RBM19: variants seen among roughly 807,000 people sequenced by gnomAD.
The protein encoded by RBM19 is RNA binding motif protein 19.
A neutral mutation model predicts 116.8 loss-of-function variants in RBM19; 94 were observed. That is an observed-to-expected ratio of 0.80 (90% CI 0.68 to 0.95). The LOEUF (loss-of-function observed/expected upper bound fraction) is 0.95. Ranked by LOEUF, RBM19 falls within the 40% of genes least tolerant of loss-of-function variation. RBM19 has a pLI of 0.00. For missense variants in RBM19, 1,161 were observed against 1,220.7 expected (o/e 0.95, Z 0.73); for synonymous variants, 475 against 494.1 (o/e 0.96, Z 0.51).
chr12:113,817,394 TGAGG>T (rs1431477741), downstream of RBM19: 1 of 152,122 alleles, frequency 6.6e-6, no homozygotes, highest in East Asian at 1.9e-4. Flanking sequence ...AATGAATGAA[TGAGG>T]GAGAGGACTC....
chr12:113,858,518 C>T (rs1275584685), intron 22 of RBM19, among the ~76,000 whole-genome samples: 1 of 152,266 alleles, frequency 6.6e-6, no homozygotes, highest in East Asian at 1.9e-4. Context: ...CCTGGGAAAC[C>T]CATTTGCTTC....
rs200041789 is a variant in RBM19 at position 113,927,242 on chromosome 12, C to CAAAACA, written c.2069-19_2069-14dup. ...TCGCCATCAGGCACTGAACCCCCAT[C>CAAAACA]AAAACAAAAACAAAAACAAAAACAT... On this transcript the variant is annotated splice_polypyrimidine_tract_variant and intron_variant, in intron 16 of 23. Transcript: ENST00000261741. The CAAAACA allele has an allele frequency of 1.2e-4, 191 of 1,542,472 alleles. 1 individual carries two copies. The highest frequency in any genetic ancestry group is 1.7e-4 in the Middle Eastern group (1 of 5,952).
chr12:113,947,365 G>A lies in RBM19; in HGVS notation c.1376C>T (p.Ala459Val), dbSNP rs754423285. The change falls in exon 11 of 24, where the codon GCC becomes GTC. Residue 459 changes from alanine to valine, a missense_variant. By Grantham distance (64) the Ala-to-Val change is moderately conservative. Coordinates refer to ENST00000261741, the MANE Select transcript of RBM19 (RefSeq NM_016196.4). ...TFMFPEHAVK[A>V]YSEVDGQVFQ... ...TACCTGCCCGTCCACCTCCGAGTAG[G>A]CCTTCACAGCGTGCTCAGGGAACAT... is the stretch of plus-strand genomic sequence containing the variant. 17 of 1,607,676 alleles carry A rather than the reference G, an allele frequency of 1.1e-5. No homozygotes were observed. The highest frequency in any genetic ancestry group is 5.0e-5 in the Admixed American group (3 of 59,892).
chr12:113,908,263 A>G lies in RBM19; in HGVS notation c.2558+6706T>C, dbSNP rs540440503. ...TCAAAGGGCTGGAAGCTTTTGGAAA[A>G]GTACTGCTGACAACCAGGAGTCAAT... On this transcript the variant is annotated intron_variant, in intron 21 of 23. Coordinates refer to ENST00000261741, the MANE Select transcript of RBM19 (RefSeq NM_016196.4). 2.8e-4 allele frequency among the ~76,000 whole-genome samples: 43 copies of G among 152,284 alleles called. 1 individual carries two copies. The highest frequency in any genetic ancestry group is 1.4e-3 in the Admixed American group (22 of 15,302).
chr12:113,861,035 T>C (rs1878321304), intron 21 of RBM19, among the ~76,000 whole-genome samples: 1 of 152,218 alleles, frequency 6.6e-6, no homozygotes, highest in Admixed American at 6.5e-5. Flanking sequence ...AGCCTTATCA[T>C]TCCCATGTTA....
intron 21 of RBM19, among the ~76,000 whole-genome samples, chr12:113,910,427 T>G (rs1882356771): frequency 6.6e-6 from 1 of 152,210 alleles, no homozygotes; most frequent in Non-Finnish European, 1.5e-5. Context: ...CCAGGACCCC[T>G]TGTTCACACA....
intron 20 of RBM19, among the ~76,000 whole-genome samples, chr12:113,917,587 G>A (rs1397015726): frequency 2.0e-5 from 3 of 152,112 alleles, no homozygotes; most frequent in African/African-American, 7.2e-5. Context: ...AAAGAAAGAA[G>A]GAAAAAGAAA....
At chr12:113,878,628 C>T (rs547194446) in intron 21 of RBM19, among the ~76,000 whole-genome samples, 2 of 127,748 alleles carry the variant, frequency 1.6e-5, no homozygotes, top group South Asian at 5.5e-4. Flanking sequence ...CATCCATTCT[C>T]CCTGACACAC....
intron 7 of RBM19, among the ~76,000 whole-genome samples, chr12:113,954,624 TG>T (rs767348274): frequency 5.3e-5 from 8 of 152,254 alleles, no homozygotes; most frequent in Non-Finnish European, 1.0e-4. Flanking sequence ...TTTTCTATAT[TG>T]AACTACTACT....
At chr12:113,830,589 G>GGGGGT (rs1565960614) in intron 23 of RBM19, among the ~76,000 whole-genome samples, 1 of 73,082 alleles carries the variant, frequency 1.4e-5, no homozygotes, top group Non-Finnish European at 2.6e-5. Flanking sequence ...GGGGGGGGGG[G>GGGGGT]TGGGCTATGC....
chr12:113,888,765 C>T (rs577867884), intron 21 of RBM19, among the ~76,000 whole-genome samples: 1 of 152,128 alleles, frequency 6.6e-6, no homozygotes, highest in Non-Finnish European at 1.5e-5. Flanking sequence ...CTGTAATTCC[C>T]GTCTTCATCT....
intron 21 of RBM19, among the ~76,000 whole-genome samples, chr12:113,883,082 G>C (rs1447173524): frequency 6.6e-6 from 1 of 152,208 alleles, no homozygotes; most frequent in Non-Finnish European, 1.5e-5. Flanking sequence ...GACAGACAGA[G>C]AGAGGTTGTA....
intron 17 of RBM19, among the ~76,000 whole-genome samples, chr12:113,925,469 A>G (rs1868983053): frequency 6.6e-6 from 1 of 152,226 alleles, no homozygotes; most frequent in Non-Finnish European, 1.5e-5. Context: ...CATGTTACAG[A>G]TGAAGAAACT....
At chr12:113,867,175 CAG>C (rs1593506031) in intron 21 of RBM19, among the ~76,000 whole-genome samples, 1 of 152,224 alleles carries the variant, frequency 6.6e-6, no homozygotes, top group Non-Finnish European at 1.5e-5. Context: ...TCCTTGGGGA[CAG>C]AGAGGGTCTT....
chr12:113,945,874 G>A lies in RBM19; in HGVS notation c.1580C>T (p.Ala527Val), dbSNP rs756975273. 67 of 1,594,170 alleles carry A rather than the reference G, an allele frequency of 4.2e-5. 1 individual carries two copies. Among genetic ancestry groups the A allele is most frequent in the Non-Finnish European group, 5.3e-5 (62 of 1,161,984 alleles). Residue 527 changes from alanine to valine, a missense_variant, in exon 13 of 24, where the codon GCC (alanine) becomes GTC (valine). Coordinates refer to ENST00000261741, the MANE Select transcript of RBM19 (RefSeq NM_016196.4). ...LFMGPNAVAD[A>V]IAQKYNATKS... ...GGTGGCGTTGTACTTCTGTGCGATGGCATCGGCCACGGCATTCGGCCCCAT... is the reference window on the plus strand; with the variant it reads ...GGTGGCGTTGTACTTCTGTGCGATGACATCGGCCACGGCATTCGGCCCCAT...
intron 22 of RBM19, among the ~76,000 whole-genome samples, chr12:113,856,138 T>C (rs1388255692): frequency 1.3e-5 from 2 of 152,146 alleles, no homozygotes; most frequent in Non-Finnish European, 2.9e-5. Flanking sequence ...CCGGAGAGGC[T>C]GTGAGTTGAG....
intron 21 of RBM19, among the ~76,000 whole-genome samples, chr12:113,905,394 C>G (rs1277269997): frequency 3.3e-5 from 5 of 151,944 alleles, no homozygotes; most frequent in Admixed American, 3.3e-4. Context: ...AATTGAATAT[C>G]CAAGTGGAAA....
At position 113,944,117 on chromosome 12, in the gene RBM19, T is replaced by TGGG. The variant is rs1555245462; in HGVS notation, c.1627-1686_1627-1684dup. On this transcript the variant is annotated intron_variant, in intron 13 of 23. Transcript: ENST00000261741. ...TGTTTTTTTTTTTTTTTTTTTTTTT[T>TGGG]GGGGCAGACTCTCGCTCTGTCACCT... Among the ~76,000 whole-genome samples the TGGG allele has an allele frequency of 2.9e-4, 30 of 102,602 alleles. 1 individual carries two copies. The highest frequency in any genetic ancestry group is 1.1e-3 in the Admixed American group (9 of 8,176). The allele number at this position is 102,602 out of a possible 152,430, so 67.3% of individuals were successfully genotyped here.
chr12:113,910,568 C>A (rs1882364271), intron 21 of RBM19, among the ~76,000 whole-genome samples: 1 of 152,184 alleles, frequency 6.6e-6, no homozygotes, highest in African/African-American at 2.4e-5. Flanking sequence ...AACAAGGCTG[C>A]CCCATGGACT....
Sources: allele counts gnomAD v4.1 joint callset (sites outside exome capture counted in the v4.1 genomes callset), GRCh38; gene constraint gnomAD v4.1.1; transcripts MANE v1.5; gene names NCBI Gene and HGNC (gene_info 2026-07-23, HGNC 2026-07-21).